The following ANKRD6 variants were observed in gnomAD, a reference collection of about 807,000 sequenced individuals.
The protein encoded by ANKRD6 is ankyrin repeat domain 6.
In ANKRD6, 56 loss-of-function variants were observed where a neutral mutation model predicts 82.3. That is an observed-to-expected ratio of 0.68 (90% confidence interval 0.55 to 0.85). ANKRD6 has a LOEUF of 0.85. Ranked by LOEUF, ANKRD6 falls within the 40% of genes least tolerant of loss-of-function variation. The probability of loss-of-function intolerance (pLI) is 0.00; values close to 1 mark genes in which losing one functional copy is unlikely to be tolerated. For synonymous variants in ANKRD6, 347 were observed against 352.1 expected (o/e 0.99, Z 0.16); for missense variants, 852 against 907.6 (o/e 0.94, Z 0.79).
chr6:89,531,072 A>G (rs1446150638), intron 1 of ANKRD6, among the ~76,000 whole-genome samples: 1 of 152,200 alleles, frequency 6.6e-6, no homozygotes, highest in African/African-American at 2.4e-5. Flanking sequence ...AGGATACATG[A>G]TAAATCATTG....
chr6:89,565,777 T>G (rs1235299964), intron 1 of ANKRD6, among the ~76,000 whole-genome samples: 2 of 152,242 alleles, frequency 1.3e-5, no homozygotes, highest in Non-Finnish European at 2.9e-5. Flanking sequence ...TGAAGGATGG[T>G]ATCTCTGTTG....
chr6:89,546,966 A>G, intron 1 of ANKRD6, among the ~76,000 whole-genome samples: 1 of 151,402 alleles, frequency 6.6e-6, no homozygotes, highest in East Asian at 2.0e-4. Context: ...CTCATTTTTT[A>G]TTTTGATTTT....
At position 89,624,593 on chromosome 6, in the gene ANKRD6, T is replaced by C; in HGVS notation, c.1273T>C (p.Leu425=). Reference sequence around the variant, plus strand: ...TCTAATCAACAAGCTGGAGAATCAGTTGGAGGCTACTGTGGAGGAGATAAA... The same window carrying C: ...TCTAATCAACAAGCTGGAGAATCAGCTGGAGGCTACTGTGGAGGAGATAAA... ...EPLINKLENQ[L]EATVEEIKAE... Residue 425 remains leucine (L), a synonymous_variant, in exon 13 of 16, where the codon TTG becomes CTG. Transcript: ENST00000339746. 2.6e-6 allele frequency: 4 copies of C among 1,561,518 alleles called. No homozygotes were observed. Among genetic ancestry groups the C allele is most frequent in the Non-Finnish European group, 2.6e-6 (3 of 1,152,438 alleles).
intron 1 of ANKRD6, among the ~76,000 whole-genome samples, chr6:89,537,321 G>T (rs1010939225): frequency 8.5e-5 from 13 of 152,112 alleles, no homozygotes; most frequent in Non-Finnish European, 1.9e-4. Context: ...TGACATACTT[G>T]TGAAGGTATT....
intron 2 of ANKRD6, among the ~76,000 whole-genome samples, chr6:89,573,205 A>G (rs1042301186): frequency 2.0e-5 from 3 of 152,222 alleles, no homozygotes; most frequent in Non-Finnish European, 2.9e-5. Flanking sequence ...CAGACTTATA[A>G]TTATTGTGAC....
chr6:89,621,836 G>A, intron 9 of ANKRD6, 86 bp from the exon 10 acceptor site: 1 of 1,326,100 alleles, frequency 7.5e-7, no homozygotes, highest in Non-Finnish European at 1.1e-6. Context: ...AATTCCATTA[G>A]GTCAGAGCCC....
intron 1 of ANKRD6, among the ~76,000 whole-genome samples, chr6:89,458,773 C>T (rs543831662): frequency 6.6e-6 from 1 of 152,190 alleles, no homozygotes; most frequent in Non-Finnish European, 1.5e-5. Flanking sequence ...CTCACAGACA[C>T]ACCCAGGAAC....
At chr6:89,553,261 A>G (rs560325481) in intron 1 of ANKRD6, among the ~76,000 whole-genome samples, 1 of 152,184 alleles carries the variant, frequency 6.6e-6, no homozygotes, top group Non-Finnish European at 1.5e-5. Flanking sequence ...CAGAAACACC[A>G]TTTCTGGAGG....
chr6:89,615,003 T>C (rs1314972826), intron 7 of ANKRD6, among the ~76,000 whole-genome samples: 1 of 152,172 alleles, frequency 6.6e-6, no homozygotes, highest in African/African-American at 2.4e-5. Flanking sequence ...TGCCATGCAA[T>C]GGGGTTTTGA....
At chr6:89,512,345 A>G (rs1382954536) in intron 1 of ANKRD6, among the ~76,000 whole-genome samples, 3 of 152,232 alleles carry the variant, frequency 2.0e-5, no homozygotes, top group African/African-American at 7.2e-5. Flanking sequence ...TGATGAACAA[A>G]GGAAAGTTTG....
intron 1 of ANKRD6, among the ~76,000 whole-genome samples, chr6:89,543,149 A>G (rs1418404797): frequency 6.6e-6 from 1 of 152,228 alleles, no homozygotes; most frequent in African/African-American, 2.4e-5. Flanking sequence ...AAATCTGCAG[A>G]GATTCCTTGA....
intron 6 of ANKRD6, 135 bp from the exon 7 acceptor site, chr6:89,613,657 G>A (rs1277032352): frequency 1.2e-6 from 1 of 808,750 alleles, no homozygotes; most frequent in Non-Finnish European, 2.0e-6. Flanking sequence ...GAGCATCTAT[G>A]TTAAAAGAGC....
chr6:89,591,310 G>T lies in ANKRD6; in HGVS notation c.121-4606G>T, dbSNP rs9451251. Among the ~76,000 whole-genome samples the T allele has an allele frequency of 1.8e-3, 269 of 152,174 alleles. 2 individuals carry two copies. The highest frequency in any genetic ancestry group is 6.1e-3 in the African/African-American group (254 of 41,514). ...GGTAGAGATGACATTTTGCCATGTT[G>T]CCCAGGCTATAGAACTCCTGGGCTC... On this transcript the variant is annotated intron_variant, in intron 2 of 15. Coordinates refer to ENST00000339746, the MANE Select transcript of ANKRD6 (RefSeq NM_001242809.2).
Position 89,513,468 on chromosome 6 carries a change from T to G in ANKRD6, c.-143-53366T>G, listed in dbSNP as rs185050690. Among the ~76,000 whole-genome samples the G allele has an allele frequency of 1.2e-3, 182 of 152,316 alleles. 1 individual carries two copies. Among genetic ancestry groups the G allele is most frequent in the Non-Finnish European group, 2.1e-3 (144 of 68,036 alleles). On this transcript the variant is annotated intron_variant, in intron 1 of 15. Transcript: ENST00000339746. ...TGAATTCTATATAAGGAGAATCATA[T>G]GGCATATCCTTTTTGTATCTGACCT...
intron 14 of ANKRD6, 139 bp downstream of exon 14, chr6:89,627,835 T>C (rs958251611): frequency 3.0e-6 from 2 of 664,550 alleles, no homozygotes; most frequent in African/African-American, 3.7e-5. Flanking sequence ...ATTTTTATGA[T>C]ACTGAAATGA....
chr6:89,616,195 G>C lies in ANKRD6; in HGVS notation c.616-364G>C, dbSNP rs561009888. ...TCTGACCTCCCTGGGTAAAAGAACA[G>C]AGCCAAAAGTGGAATGACTAGCCTG... On this transcript the variant is annotated intron_variant, in intron 7 of 15. Coordinates refer to ENST00000339746, the MANE Select transcript of ANKRD6 (RefSeq NM_001242809.2). Among the ~76,000 whole-genome samples, 192 of 152,310 alleles carry C rather than the reference G, an allele frequency of 1.3e-3. 1 individual carries two copies. The highest frequency in any genetic ancestry group is 4.5e-3 in the African/African-American group (189 of 41,564).
intron 1 of ANKRD6, among the ~76,000 whole-genome samples, chr6:89,442,185 G>A (rs528089531): frequency 1.0e-3 from 157 of 151,960 alleles, no homozygotes; most frequent in African/African-American, 3.7e-3. Context: ...TAGTAGAGAC[G>A]GGGTTTCGCC....
At chr6:89,496,202 AC>A (rs1309931232) in intron 1 of ANKRD6, among the ~76,000 whole-genome samples, 2 of 144,598 alleles carry the variant, frequency 1.4e-5, no homozygotes, top group Admixed American at 6.9e-5. Flanking sequence ...TAATTAAAGT[AC>A]TTAGGAATTT....
intron 1 of ANKRD6, among the ~76,000 whole-genome samples, chr6:89,460,005 C>G (rs991210311): frequency 2.0e-5 from 3 of 151,890 alleles, no homozygotes; most frequent in African/African-American, 7.3e-5. Flanking sequence ...AGCATACATT[C>G]TAAGAAATAA....
Sources: allele counts gnomAD v4.1 joint callset (sites outside exome capture counted in the v4.1 genomes callset), GRCh38; gene constraint gnomAD v4.1.1; transcripts MANE v1.5; gene names NCBI Gene and HGNC (gene_info 2026-07-23, HGNC 2026-07-21).